The following INSYN2B variants were observed in gnomAD, a reference collection of about 807,000 sequenced individuals.
INSYN2B encodes protein INSYN2B.
In INSYN2B, 16 loss-of-function variants were observed where a neutral mutation model predicts 41.2. That is an observed-to-expected ratio of 0.39 (90% CI 0.26 to 0.59). INSYN2B has a LOEUF of 0.59. INSYN2B is among the 20% of genes least tolerant of loss of function. INSYN2B has a pLI of 0.57. For synonymous variants in INSYN2B, 245 were observed against 244.4 expected (o/e 1.00, Z -0.02); for missense variants, 608 against 646.4 (o/e 0.94, Z 0.64).
intron 1 of INSYN2B, among the ~76,000 whole-genome samples, chr5:169,940,640 C>A (rs569372976): frequency 6.6e-6 from 1 of 152,168 alleles, no homozygotes; most frequent in Admixed American, 6.5e-5. Context: ...ATAAGGAGCA[C>A]GCAACTTAGA....
intron 3 of INSYN2B, among the ~76,000 whole-genome samples, chr5:169,871,506 T>A (rs2113459314): frequency 6.6e-6 from 1 of 152,336 alleles, no homozygotes; most frequent in Admixed American, 6.5e-5. Flanking sequence ...TAAATAATAT[T>A]ACCTTCATTT....
rs764730090 is a variant in INSYN2B at position 169,883,276 on chromosome 5, A to G, written c.623T>C (p.Ile208Thr). 7.7e-6 allele frequency: 12 copies of G among 1,551,602 alleles called. No individual in the cohort carries two copies. Among genetic ancestry groups the G allele is most frequent in the African/African-American group, 1.4e-5 (1 of 73,148 alleles). Residue 208 changes from isoleucine to threonine, a missense_variant, in exon 2 of 4, where the codon ATT (isoleucine) becomes ACT (threonine). Ile to Thr is a moderately conservative substitution (Grantham distance 89). Coordinates refer to ENST00000377365, the MANE Select transcript of INSYN2B (RefSeq NM_001129891.3). ...AGCTTCCCAGGAAGGACTGTGATAA[A>G]TATCATCTGGAACCTGAATGGCAGC... The part of the protein sequence containing the change: ...ATAAIQVPDD[I>T]YHSPSWEARE...
chr5:169,898,066 C>A (rs2113566603), intron 1 of INSYN2B, among the ~76,000 whole-genome samples: 1 of 152,178 alleles, frequency 6.6e-6, no homozygotes, highest in Non-Finnish European at 1.5e-5. Context: ...GGAGAGAGTC[C>A]CCTGTCAGAA....
chr5:169,887,811 A>T (rs1475434300), intron 1 of INSYN2B, among the ~76,000 whole-genome samples: 3 of 152,332 alleles, frequency 2.0e-5, no homozygotes, highest in Middle Eastern at 6.8e-3. Context: ...GTTACCACTC[A>T]TCCTTCTATG....
chr5:169,921,393 C>T (rs142412948), intron 1 of INSYN2B, among the ~76,000 whole-genome samples: 2 of 152,278 alleles, frequency 1.3e-5, no homozygotes, highest in East Asian at 1.9e-4. Flanking sequence ...CCAGAAAAAT[C>T]GATGAGTCTA....
intron 1 of INSYN2B, chr5:169,934,581 C>G: frequency 4.4e-6 from 2 of 453,886 alleles, no homozygotes; most frequent in South Asian, 3.1e-5. Flanking sequence ...AAATCCTGCT[C>G]TTTGCTTCCA....
At chr5:169,873,020 T>C (rs566400466) in intron 3 of INSYN2B, among the ~76,000 whole-genome samples, 24 of 152,364 alleles carry the variant, frequency 1.6e-4, no homozygotes, top group Non-Finnish European at 2.5e-4. Context: ...CGGATCACTC[T>C]GTGATCACCT....
intron 1 of INSYN2B, among the ~76,000 whole-genome samples, chr5:169,948,162 CTTCA>C (rs888000048): frequency 4.1e-4 from 63 of 152,266 alleles, no homozygotes; most frequent in Middle Eastern, 3.4e-3. Context: ...AACCTCTTCT[CTTCA>C]TTCATTCACT....
At chr5:169,965,034 C>T (rs1284269722) in intron 1 of INSYN2B, among the ~76,000 whole-genome samples, 1 of 152,220 alleles carries the variant, frequency 6.6e-6, no homozygotes, top group Non-Finnish European at 1.5e-5. Context: ...TTCATTCAAT[C>T]GCCAAACATC....
At chr5:169,925,444 G>T (rs1263690232) in intron 1 of INSYN2B, among the ~76,000 whole-genome samples, 1 of 152,006 alleles carries the variant, frequency 6.6e-6, no homozygotes, top group Non-Finnish European at 1.5e-5. Flanking sequence ...ACTGAGCGTG[G>T]TGTTGTGCAC....
chr5:169,934,821 G>T (rs945409965), intron 1 of INSYN2B: 10 of 429,116 alleles, frequency 2.3e-5, no homozygotes, highest in Non-Finnish European at 4.3e-5. Context: ...TAAATTGATT[G>T]TAGTGTCATC....
At position 169,977,497 on chromosome 5, in the gene INSYN2B, C is replaced by A. The variant is rs1777756843; in HGVS notation, c.-919+2780G>T. ...CAAATTAATTGAACCCTCACCAAAACAGTGTGAAGTAAGGAATATTTTTAT... is the reference window on the plus strand; with the variant it reads ...CAAATTAATTGAACCCTCACCAAAAAAGTGTGAAGTAAGGAATATTTTTAT... On this transcript the variant is annotated intron_variant, in intron 1 of 3. Transcript: ENST00000377365. 5.3e-5 allele frequency among the ~76,000 whole-genome samples: 8 copies of A among 152,296 alleles called. No homozygotes were observed. The South Asian group carries it at 1.7e-3, about 32-fold the overall frequency.
intron 1 of INSYN2B, among the ~76,000 whole-genome samples, chr5:169,956,419 G>C (rs911951294): frequency 6.6e-6 from 1 of 152,106 alleles, no homozygotes. Flanking sequence ...TCCCTCTCTC[G>C]TGGGTTGTAT....
intron 3 of INSYN2B, 63 bp downstream of exon 3, chr5:169,881,303 TAG>T: frequency 4.5e-6 from 6 of 1,346,236 alleles, no homozygotes; most frequent in Non-Finnish European, 6.2e-6. Flanking sequence ...AAAAGTTTGC[TAG>T]AGTGTTCAGC....
Position 169,863,607 on chromosome 5 carries a change from G to A in INSYN2B, c.*666C>T, listed in dbSNP as rs561362952. 2.4e-4 allele frequency among the ~76,000 whole-genome samples: 36 copies of A among 152,318 alleles called. No homozygotes were observed. Among genetic ancestry groups the A allele is most frequent in the African/African-American group, 8.7e-4 (36 of 41,564 alleles). ...TTATCCAGCACAGCCACACCAACAA[G>A]TTTATACCCTGGGGTGGCCTGACTC... On this transcript the variant is annotated 3_prime_UTR_variant, in exon 4 of 4. Transcript: ENST00000377365.
At chr5:169,866,788 C>T (rs1771591209) in intron 3 of INSYN2B, among the ~76,000 whole-genome samples, 1 of 152,172 alleles carries the variant, frequency 6.6e-6, no homozygotes, top group South Asian at 2.1e-4. Flanking sequence ...CATGTTTTTC[C>T]TCTGCTCTCA....
intron 1 of INSYN2B, among the ~76,000 whole-genome samples, chr5:169,922,440 T>A (rs1397274904): frequency 6.6e-6 from 1 of 152,218 alleles, no homozygotes; most frequent in Non-Finnish European, 1.5e-5. Context: ...ACCTGGTCAG[T>A]TTAGAGCTTT....
intron 1 of INSYN2B, among the ~76,000 whole-genome samples, chr5:169,959,184 A>G (rs1776981822): frequency 6.6e-6 from 1 of 152,052 alleles, no homozygotes; most frequent in African/African-American, 2.4e-5. Context: ...TGAGGTCAGG[A>G]CATTGAGACC....
intron 1 of INSYN2B, among the ~76,000 whole-genome samples, chr5:169,933,919 C>T (rs1775873103): frequency 1.3e-5 from 2 of 152,182 alleles, no homozygotes; most frequent in Admixed American, 6.5e-5. Flanking sequence ...CTACTGGTGT[C>T]GCCATTAATG....
Sources: allele counts gnomAD v4.1 joint callset (sites outside exome capture counted in the v4.1 genomes callset), GRCh38; gene constraint gnomAD v4.1.1; transcripts MANE v1.5; gene names NCBI Gene and HGNC (gene_info 2026-07-23, HGNC 2026-07-21).